PRKG1: variants seen among roughly 807,000 people sequenced by gnomAD.
PRKG1 encodes the protein cGMP-dependent protein kinase 1.
Under a neutral mutation model 88.1 loss-of-function variants are expected in PRKG1, and 35 were observed. The ratio of observed to expected loss-of-function variants is 0.40; its 90% CI spans 0.30 to 0.53. PRKG1 has a LOEUF of 0.53. PRKG1 is among the 20% of genes least tolerant of loss of function. PRKG1 has a pLI of 0.59. For missense variants in PRKG1, 540 were observed against 839.8 expected (o/e 0.64, Z 4.41); for synonymous variants, 303 against 292.5 (o/e 1.04, Z -0.37).
intron 3 of PRKG1, among the ~76,000 whole-genome samples, chr10:51,720,794 G>A (rs2132450397): frequency 6.6e-6 from 1 of 152,210 alleles, no homozygotes. Flanking sequence ...CTTGGTAGTG[G>A]GTTATGAGTT....
At position 52,039,281 on chromosome 10, in the gene PRKG1, G is replaced by T. The variant is rs145759530; in HGVS notation, c.763-15203G>T. On this transcript the variant is annotated intron_variant, in intron 5 of 17. Transcript: ENST00000373980. ...GTAGGTAAAGGAAAATTAGTCAAAG[G>T]GGGGTTGTTCTCTGGCAGGCAGCAG... is the stretch of plus-strand genomic sequence containing the variant. Among the ~76,000 whole-genome samples the T allele has an allele frequency of 4.8e-3, 737 of 152,210 alleles. 3 individuals are homozygous for T. Among genetic ancestry groups the T allele is most frequent in the African/African-American group, 0.017 (691 of 41,514 alleles).
At chr10:51,725,049 A>G (rs1842100873) in intron 3 of PRKG1, among the ~76,000 whole-genome samples, 2 of 152,070 alleles carry the variant, frequency 1.3e-5, no homozygotes, top group African/African-American at 4.8e-5. Context: ...CAAGCACTTT[A>G]TAAACATTTA....
intron 3 of PRKG1, chr10:51,699,178 G>T (rs1564612462): frequency 5.6e-6 from 9 of 1,613,982 alleles, no homozygotes; most frequent in Non-Finnish European, 6.8e-6. Context: ...TCGATTCAGG[G>T]GCATCTTCTG....
chr10:51,505,289 A>G (rs1157670823), intron 3 of PRKG1, among the ~76,000 whole-genome samples: 1 of 152,120 alleles, frequency 6.6e-6, no homozygotes, highest in Non-Finnish European at 1.5e-5. Flanking sequence ...ATTTGCATAT[A>G]TTGAACCAGC....
At chr10:51,564,228 C>T (rs555133471) in intron 3 of PRKG1, among the ~76,000 whole-genome samples, 5 of 148,534 alleles carry the variant, frequency 3.4e-5, no homozygotes, top group African/African-American at 1.3e-4. Flanking sequence ...CAAAACAAAA[C>T]AAAACAAAAA....
chr10:52,293,141 T>G (rs546535250), intron 17 of PRKG1, among the ~76,000 whole-genome samples: 40 of 149,604 alleles, frequency 2.7e-4, no homozygotes, highest in East Asian at 3.9e-4. Flanking sequence ...AGCCAAATCA[T>G]GAGTGAACTC....
chr10:51,330,136 TA>T lies in PRKG1; in HGVS notation c.479-137586del, dbSNP rs1446884170. 6.7e-4 allele frequency among the ~76,000 whole-genome samples: 96 copies of T among 142,658 alleles called. 1 individual carries two copies. The highest frequency in any genetic ancestry group is 2.0e-3 in the East Asian group (10 of 4,948). 93.6% of individuals were successfully genotyped at this position (142,658 alleles called of 152,430 possible). A position where few individuals can be genotyped will look rare whatever the true frequency, so the allele number is the denominator to read the frequency against. On this transcript the variant is annotated intron_variant, in intron 2 of 17. Coordinates refer to ENST00000373980, the MANE Select transcript of PRKG1 (RefSeq NM_006258.4). The stretch of plus-strand genomic sequence containing the variant: ...TTATTTATTTATTTATTTATTTATT[TA>T]TTTATTTATTTTTTATTTATTTTTT...
intron 7 of PRKG1, among the ~76,000 whole-genome samples, chr10:52,124,857 A>G (rs1847895610): frequency 6.6e-6 from 1 of 152,098 alleles, no homozygotes; most frequent in South Asian, 2.1e-4. Flanking sequence ...ACAGTAGTGT[A>G]GGTCTACACA....
intron 3 of PRKG1, among the ~76,000 whole-genome samples, chr10:51,500,001 A>G (rs940488524): frequency 1.3e-5 from 2 of 152,126 alleles, no homozygotes; most frequent in Non-Finnish European, 2.9e-5. Flanking sequence ...AGCAACAAAC[A>G]AAAACATAAT....
chr10:51,496,011 A>G (rs1589016874), intron 3 of PRKG1, among the ~76,000 whole-genome samples: 1 of 152,186 alleles, frequency 6.6e-6, no homozygotes, highest in Non-Finnish European at 1.5e-5. Flanking sequence ...AGTACCTTAG[A>G]TTTTTTTAAC....
At chr10:51,687,599 T>C (rs1467388295) in intron 3 of PRKG1, among the ~76,000 whole-genome samples, 1 of 152,204 alleles carries the variant, frequency 6.6e-6, no homozygotes, top group Admixed American at 6.5e-5. Flanking sequence ...ATCTGGATAG[T>C]ATATCCTACC....
chr10:52,246,426 C>T (rs1372348658), intron 9 of PRKG1, among the ~76,000 whole-genome samples: 1 of 152,030 alleles, frequency 6.6e-6, no homozygotes, highest in Non-Finnish European at 1.5e-5. Context: ...GTTTCTAAAC[C>T]ATGCATATGT....
In PRKG1 at chr10:51,502,148, C is replaced by G. The variant is rs200031997; in HGVS notation, c.592+34312C>G. ...TATTAGGAATGAATGAATCTCTATC[C>G]AGGCCTGAGGTCATTCCAAATTTGT... is the stretch of plus-strand genomic sequence containing the variant. On this transcript the variant is annotated intron_variant, in intron 3 of 17. Transcript: ENST00000373980. Among the ~76,000 whole-genome samples the G allele has an allele frequency of 6.6e-5, 10 of 152,202 alleles. No individual in the cohort carries two copies. In the East Asian group the frequency reaches 1.7e-3, roughly 26 times the overall value.
At chr10:51,712,045 G>C (rs1478796383) in intron 3 of PRKG1, among the ~76,000 whole-genome samples, 1 of 152,164 alleles carries the variant, frequency 6.6e-6, no homozygotes, top group African/African-American at 2.4e-5. Context: ...AGTTTTATAT[G>C]ATACAGGAGC....
intron 4 of PRKG1, among the ~76,000 whole-genome samples, chr10:51,841,885 G>A (rs548884473): frequency 4.6e-5 from 7 of 152,128 alleles, no homozygotes; most frequent in South Asian, 2.1e-4. Flanking sequence ...GTTTTACCAC[G>A]CTGGCCAGGC....
chr10:51,840,638 C>T lies in PRKG1; in HGVS notation c.698+35948C>T, dbSNP rs190324078. On this transcript the variant is annotated intron_variant, in intron 4 of 17. Coordinates refer to ENST00000373980, the MANE Select transcript of PRKG1 (RefSeq NM_006258.4). ...CTCAGCTCACTGGAACCTCTGCCTC[C>T]TAGGTTCAAGCAATTCTTCTGCCTC... 5.9e-5 allele frequency among the ~76,000 whole-genome samples: 9 copies of T among 152,056 alleles called. No individual in the cohort carries two copies. In the East Asian group the frequency reaches 1.4e-3, roughly 23 times the overall value.
At chr10:51,415,465 A>G (rs951814656) in intron 2 of PRKG1, among the ~76,000 whole-genome samples, 5 of 152,104 alleles carry the variant, frequency 3.3e-5, no homozygotes, top group Admixed American at 6.6e-5. Context: ...ACCATCATGT[A>G]TATCTCTTTG....
chr10:52,148,957 C>CTTTTTTTTTTTT lies in PRKG1; in HGVS notation c.1002-12917_1002-12906dup, dbSNP rs71904885. ...TATTTGACCACAGAGGATAGTTTTG[C>CTTTTTTTTTTTT]TTTTTTTTTTTTTTTTTTTTTTTTT... On this transcript the variant is annotated intron_variant, in intron 8 of 17. Transcript: ENST00000373980. 1.3e-4 allele frequency among the ~76,000 whole-genome samples: 7 copies of CTTTTTTTTTTTT among 55,160 alleles called. 1 individual carries two copies. The highest frequency in any genetic ancestry group is 5.2e-4 in the African/African-American group (7 of 13,338). The allele number at this position is 55,160 out of a possible 152,430, so 36.2% of individuals were successfully genotyped here.
intron 1 of PRKG1, among the ~76,000 whole-genome samples, chr10:51,032,220 A>G (rs1244807385): frequency 2.0e-5 from 3 of 152,048 alleles, no homozygotes; most frequent in Admixed American, 1.3e-4. Context: ...TGCCTCTCTG[A>G]GGATCTGTGA....
Sources: allele counts gnomAD v4.1 joint callset (sites outside exome capture counted in the v4.1 genomes callset), GRCh38; gene constraint gnomAD v4.1.1; transcripts MANE v1.5; gene names NCBI Gene and HGNC (gene_info 2026-07-23, HGNC 2026-07-21).